NLRP11: variants seen among roughly 807,000 people sequenced by gnomAD.
The protein encoded by NLRP11 is NACHT, LRR and PYD domains-containing protein 11.
A neutral mutation model predicts 79.3 loss-of-function variants in NLRP11; 53 were observed. The ratio of observed to expected loss-of-function variants is 0.67; its 90% CI spans 0.54 to 0.84. The LOEUF (loss-of-function observed/expected upper bound fraction) is 0.84, where lower values mean the gene tolerates loss of function less well. Ranked by LOEUF, NLRP11 falls within the 40% of genes least tolerant of loss-of-function variation. NLRP11 has a pLI of 0.00. For synonymous variants in NLRP11, 518 were observed against 462.6 expected, an observed-to-expected ratio of 1.12 and a Z score of -1.54; for missense variants, 1,264 against 1,255.0, an observed-to-expected ratio of 1.01 and a Z score of -0.11.
intron 4 of NLRP11, among the ~76,000 whole-genome samples, chr19:55,807,028 G>T (rs184179240): frequency 6.6e-6 from 1 of 151,716 alleles, no homozygotes; most frequent in Admixed American, 6.6e-5. Context: ...TTTTCCCCCC[G>T]TAACACCATT....
intron 1 of NLRP11, among the ~76,000 whole-genome samples, chr19:55,820,218 G>GA (rs550951507): frequency 2.1e-4 from 32 of 152,244 alleles, no homozygotes; most frequent in African/African-American, 7.7e-4. Context: ...TGAGCTGGCA[G>GA]AAAAAACAAT....
chr19:55,789,186 G>A, intron 8 of NLRP11, 43 bp downstream of exon 8: 12 of 1,560,092 alleles, frequency 7.7e-6, no homozygotes, highest in Non-Finnish European at 1.0e-5. Context: ...TTCTTCAGCT[G>A]TTGCTAGCTA....
At chr19:55,812,612 G>A (rs1366943768) in intron 2 of NLRP11, among the ~76,000 whole-genome samples, 1 of 152,126 alleles carries the variant, frequency 6.6e-6, no homozygotes, top group Non-Finnish European at 1.5e-5. Context: ...GTGAAGATGT[G>A]GAGAAAAGGG....
At chr19:55,793,556 C>CAAAAAAAAAA (rs59605427) in intron 6 of NLRP11, among the ~76,000 whole-genome samples, 1 of 35,690 alleles carries the variant, frequency 2.8e-5, no homozygotes, top group Non-Finnish European at 4.5e-5. Context: ...TGACTGTCTC[C>CAAAAAAAAAA]AAAAAAAAAA....
intron 9 of NLRP11, among the ~76,000 whole-genome samples, chr19:55,787,780 A>T (rs73933372): frequency 6.6e-6 from 1 of 152,156 alleles, no homozygotes; most frequent in African/African-American, 2.4e-5. Flanking sequence ...GTTGGAGAGC[A>T]AGTCTTTTCA....
In NLRP11 at chr19:55,799,817, A is replaced by G. The variant is rs572225444; in HGVS notation, c.2171+1755T>C. ...CCCCATCTCTACTAAAAACACAAAA[A>G]TTAGCCATACGTGGTGGCAAGCTCT... On this transcript the variant is annotated intron_variant, in intron 5 of 9. Transcript: ENST00000589093. 3.3e-5 allele frequency among the ~76,000 whole-genome samples: 5 copies of G among 152,214 alleles called. No individual in the cohort carries two copies. In the South Asian group the frequency reaches 8.3e-4, roughly 25 times the overall value.
chr19:55,806,272 C>T (rs902074589), intron 4 of NLRP11, among the ~76,000 whole-genome samples: 2 of 152,196 alleles, frequency 1.3e-5, no homozygotes, highest in East Asian at 3.8e-4. Flanking sequence ...CCACATTTTA[C>T]CTTCAGTTCA....
intron 1 of NLRP11, among the ~76,000 whole-genome samples, chr19:55,821,203 TCTCACACACACA>T (rs1298432084): frequency 2.3e-4 from 26 of 113,266 alleles, no homozygotes; most frequent in East Asian, 7.7e-4. Flanking sequence ...TCTCTCTCTC[TCTCACACACACA>T]CACACACACA....
At chr19:55,799,094 C>T (rs1444530481) in intron 5 of NLRP11, among the ~76,000 whole-genome samples, 2 of 152,088 alleles carry the variant, frequency 1.3e-5, no homozygotes, top group Admixed American at 1.3e-4. Flanking sequence ...TGGCAAAACC[C>T]TGTCTCTACC....
At chr19:55,817,931 A>C in exon 2 of NLRP11, 1 of 1,610,370 alleles carries the variant, frequency 6.2e-7, no homozygotes, top group Non-Finnish European at 8.5e-7. Flanking sequence ...ATCTTCCTAC[A>C]AAGATCTTCC....
At chr19:55,813,013 G>T (rs1200799502) in intron 2 of NLRP11, among the ~76,000 whole-genome samples, 1 of 152,032 alleles carries the variant, frequency 6.6e-6, no homozygotes, top group South Asian at 2.1e-4. Context: ...AAGGTCAAAG[G>T]CATGTTGAAA....
rs927217076 is a variant in NLRP11 at position 55,791,238 on chromosome 19, G to C, written c.2513+1063C>G. On this transcript the variant is annotated intron_variant, in intron 7 of 9. Coordinates refer to ENST00000589093, the Ensembl canonical transcript of NLRP11. Reference sequence around the variant, plus strand: ...TTCTAACCCCTATTCTACAGTATGAGTGAATTTGTCTCAACCTACTAAGTA... The same window carrying C: ...TTCTAACCCCTATTCTACAGTATGACTGAATTTGTCTCAACCTACTAAGTA... Among the ~76,000 whole-genome samples, 9 of 152,176 alleles carry C rather than the reference G, an allele frequency of 5.9e-5. No homozygotes were observed. In the East Asian group the frequency reaches 1.7e-3, roughly 29 times the overall value.
At chr19:55,832,310 A>G (rs1028542369), upstream of NLRP11, among the ~76,000 whole-genome samples, 2 of 152,184 alleles carry the variant, frequency 1.3e-5, no homozygotes, top group East Asian at 1.9e-4. Context: ...AATAATCTCA[A>G]TTTCGGATAA....
At chr19:55,808,712 G>A in intron 3 of NLRP11, 57 bp downstream of exon 3, 1 of 1,499,472 alleles carries the variant, frequency 6.7e-7, no homozygotes, top group South Asian at 1.3e-5. Flanking sequence ...ACAAGCTCTA[G>A]AATTATGGGC....
chr19:55,799,867 T>C (rs1047545234), intron 5 of NLRP11, among the ~76,000 whole-genome samples: 1 of 152,162 alleles, frequency 6.6e-6, no homozygotes, highest in African/African-American at 2.4e-5. Flanking sequence ...CTCGGGAGGC[T>C]GAGGCAGGAG....
intron 4 of NLRP11, among the ~76,000 whole-genome samples, chr19:55,805,262 C>T (rs1168257979): frequency 1.3e-5 from 2 of 152,004 alleles, no homozygotes; most frequent in African/African-American, 4.8e-5. Flanking sequence ...GAATCTCCAA[C>T]TCAACATTAA....
upstream of NLRP11, among the ~76,000 whole-genome samples, chr19:55,833,589 C>A (rs1283206157): frequency 1.3e-5 from 2 of 151,370 alleles, no homozygotes; most frequent in African/African-American, 4.9e-5. Context: ...CACGGTGAAA[C>A]CCCCGTCTCT....
In NLRP11 at chr19:55,818,096, T is replaced by A. The variant is rs375627440; in HGVS notation, c.79A>T (p.Lys27Ter). The change falls in exon 2 of 10, where the codon AAG becomes TAG. Residue 27 changes from lysine (K) to a stop codon, truncating the protein, a stop_gained. Coordinates refer to ENST00000589093, the Ensembl canonical transcript of NLRP11. LOFTEE classifies it high-confidence loss of function. ...AGAATCTTGCGTGCCAGATACTTCTTAAAACTCTGAAATTCCTTGTCACTG... is the reference window on the plus strand; with the variant it reads ...AGAATCTTGCGTGCCAGATACTTCTAAAAACTCTGAAATTCCTTGTCACTG... 5 of 1,613,972 alleles carry A rather than the reference T, an allele frequency of 3.1e-6. No homozygotes were observed. Among genetic ancestry groups the A allele is most frequent in the Non-Finnish European group, 4.2e-6 (5 of 1,179,922 alleles).
At chr19:55,828,875 T>G (rs1307397284) in intron 1 of NLRP11, among the ~76,000 whole-genome samples, 2 of 151,014 alleles carry the variant, frequency 1.3e-5, no homozygotes, top group African/African-American at 4.9e-5. Flanking sequence ...TATCTGACCT[T>G]TGAAGAAAAA....
Sources: gnomAD v4.1 joint callset for allele counts (sites outside exome capture counted in the v4.1 genomes callset) on GRCh38, gnomAD v4.1.1 for gene constraint, MANE v1.5 for transcripts, NCBI Gene and HGNC (gene_info 2026-07-23, HGNC 2026-07-21) for gene names.